TENM3: variants seen among roughly 807,000 people sequenced by gnomAD.
TENM3 encodes teneurin-3.
TENM3 carries 63 observed loss-of-function variants against 255.1 expected under a neutral mutation model. That is an observed-to-expected ratio of 0.25 (90% confidence interval 0.20 to 0.30). TENM3 has a LOEUF of 0.30. TENM3 is among the 10% of genes least tolerant of loss of function. The probability of loss-of-function intolerance (pLI) is 1.00; values close to 1 mark genes in which losing one functional copy is unlikely to be tolerated. For synonymous variants in TENM3, 1,306 were observed against 1,322.3 expected (o/e 0.99, Z 0.27); for missense variants, 2,929 against 3,461.1 (o/e 0.85, Z 3.86).
chr4:181,683,436 A>G, the TENM3 span, among the ~76,000 whole-genome samples: 1 of 152,160 alleles, frequency 6.6e-6, no homozygotes, highest in South Asian at 2.1e-4. Context: ...TTTATATTAG[A>G]CTCACTTGGC....
chr4:182,512,881 C>G (rs939600919), intron 3 of TENM3, among the ~76,000 whole-genome samples: 2 of 152,110 alleles, frequency 1.3e-5, no homozygotes, highest in African/African-American at 4.8e-5. Context: ...CCTTGAAGAT[C>G]AAAATAGTGT....
the TENM3 span, among the ~76,000 whole-genome samples, chr4:181,652,082 G>A: frequency 5.1e-5 from 7 of 136,352 alleles, no homozygotes; most frequent in Non-Finnish European, 7.7e-5. Context: ...CTGTCAAATT[G>A]TTTCTCTTCT....
At chr4:182,125,255 C>A in the TENM3 span, among the ~76,000 whole-genome samples, 2 of 152,224 alleles carry the variant, frequency 1.3e-5, no homozygotes, top group African/African-American at 4.8e-5. Context: ...CTCGCCCCTT[C>A]CATCTCGATG....
At chr4:182,716,544 G>A (rs781280417) in intron 13 of TENM3, among the ~76,000 whole-genome samples, 2 of 152,170 alleles carry the variant, frequency 1.3e-5, no homozygotes, top group African/African-American at 4.8e-5. Flanking sequence ...TTTTAAGAAG[G>A]AATCTCAGTG....
At chr4:181,891,383 A>G in the TENM3 span, among the ~76,000 whole-genome samples, 1 of 152,230 alleles carries the variant, frequency 6.6e-6, no homozygotes, top group Non-Finnish European at 1.5e-5. Context: ...ACCCCTGTAT[A>G]CAAATCCAGA....
chr4:182,400,161 A>G (rs1192304551), intron 3 of TENM3, among the ~76,000 whole-genome samples: 5 of 152,130 alleles, frequency 3.3e-5, no homozygotes, highest in African/African-American at 1.2e-4. Context: ...TCTTGTTCCA[A>G]TTTAATGAAA....
intron 3 of TENM3, among the ~76,000 whole-genome samples, chr4:182,594,614 A>G (rs1429577991): frequency 1.3e-5 from 2 of 151,790 alleles, no homozygotes; most frequent in Non-Finnish European, 2.9e-5. Flanking sequence ...AGTTGCTGAC[A>G]AGGCTTTTCT....
chr4:181,812,665 T>C, the TENM3 span, among the ~76,000 whole-genome samples: 907 of 152,274 alleles, frequency 6.0e-3, 7 homozygotes, highest in Middle Eastern at 0.02. Context: ...ATTAATATTT[T>C]TGGCTCGGAG....
chr4:181,510,318 A>C, the TENM3 span, among the ~76,000 whole-genome samples: 1 of 152,218 alleles, frequency 6.6e-6, no homozygotes, highest in African/African-American at 2.4e-5. Flanking sequence ...AGTAGAAAAA[A>C]AAAATGTGAG....
At chr4:182,622,629 G>A (rs1016665000) in intron 4 of TENM3, among the ~76,000 whole-genome samples, 4 of 152,096 alleles carry the variant, frequency 2.6e-5, no homozygotes, top group African/African-American at 9.7e-5. Context: ...TCCCAGGCTT[G>A]CTTTTTGGTT....
the TENM3 span, among the ~76,000 whole-genome samples, chr4:181,580,940 A>G: frequency 6.6e-6 from 1 of 152,224 alleles, no homozygotes; most frequent in Non-Finnish European, 1.5e-5. Flanking sequence ...TTGGTTGCAC[A>G]CAACACAGAA....
the TENM3 span, among the ~76,000 whole-genome samples, chr4:181,925,083 T>C: frequency 6.6e-6 from 1 of 152,148 alleles, no homozygotes; most frequent in African/African-American, 2.4e-5. Context: ...AAATATGAAC[T>C]TTTTCTCAGA....
At chr4:182,739,648 G>A (rs17263129) in intron 18 of TENM3, among the ~76,000 whole-genome samples, 97,952 of 152,046 alleles carry the variant, frequency 0.64, 31,916 homozygotes, top group East Asian at 0.79. Context: ...ATTCCTGCTT[G>A]AAACAATTTT....
intron 1 of TENM3, among the ~76,000 whole-genome samples, chr4:182,166,163 A>C (rs539246404): frequency 6.6e-6 from 1 of 152,360 alleles, no homozygotes; most frequent in South Asian, 2.1e-4. Context: ...ACCAAATTTA[A>C]TGTGGCTGTT....
the TENM3 span, among the ~76,000 whole-genome samples, chr4:181,691,849 CA>C: frequency 1.3e-5 from 2 of 152,140 alleles, no homozygotes; most frequent in African/African-American, 4.8e-5. Context: ...TGTCTTTCCC[CA>C]CCCCATCTCC....
chr4:182,572,447 A>C (rs758056650), intron 3 of TENM3, among the ~76,000 whole-genome samples: 2 of 152,174 alleles, frequency 1.3e-5, no homozygotes, highest in Non-Finnish European at 1.5e-5. Context: ...TGAGTCACTT[A>C]CTTCAGTACC....
intron 1 of TENM3, among the ~76,000 whole-genome samples, chr4:182,267,882 G>T (rs1275765797): frequency 1.3e-5 from 2 of 152,154 alleles, no homozygotes; most frequent in Non-Finnish European, 2.9e-5. Flanking sequence ...TGGTACACTT[G>T]TTATTAGATT....
the TENM3 span, among the ~76,000 whole-genome samples, chr4:181,685,894 A>C: frequency 6.6e-6 from 1 of 152,160 alleles, no homozygotes; most frequent in Non-Finnish European, 1.5e-5. Flanking sequence ...GGGTGTTCCT[A>C]GGGAACACGT....
the TENM3 span, among the ~76,000 whole-genome samples, chr4:182,066,599 A>AAAAATATATATATATATATATAT: frequency 7.3e-6 from 1 of 137,106 alleles, no homozygotes; most frequent in African/African-American, 2.9e-5. Context: ...GTAAAAAAAA[A>AAAAATATATATATATATATATAT]ATATATATAT....
Sources: gnomAD v4.1 joint callset for allele counts (sites outside exome capture counted in the v4.1 genomes callset) on GRCh38, gnomAD v4.1.1 for gene constraint, MANE v1.5 for transcripts, NCBI Gene and HGNC (gene_info 2026-07-23, HGNC 2026-07-21) for gene names.